The following HECW2 variants were observed in gnomAD, a reference collection of about 807,000 sequenced individuals.
The protein encoded by HECW2 is HECT, C2 and WW domain containing E3 ubiquitin protein ligase 2.
Under a neutral mutation model 175.2 loss-of-function variants are expected in HECW2, and 61 were observed. That is an observed-to-expected ratio of 0.35 (90% CI 0.28 to 0.43). The LOEUF is 0.43. Ranked by LOEUF, HECW2 falls within the 20% of genes least tolerant of loss-of-function variation. The pLI, the probability that HECW2 is intolerant of heterozygous loss-of-function variation, is 1.00. For missense variants in HECW2, 1,524 were observed against 2,000.5 expected (o/e 0.76, Z 4.54); for synonymous variants, 671 against 731.0 (o/e 0.92, Z 1.32).
At chr2:196,335,563 C>T (rs1347830458) in intron 3 of HECW2, among the ~76,000 whole-genome samples, 3 of 152,130 alleles carry the variant, frequency 2.0e-5, no homozygotes, top group East Asian at 3.8e-4. Flanking sequence ...CTGACTTTCT[C>T]GACTGTACCA....
chr2:196,212,230 G>A (rs1687316342), intron 28 of HECW2, among the ~76,000 whole-genome samples: 1 of 151,742 alleles, frequency 6.6e-6, no homozygotes, highest in African/African-American at 2.4e-5. Flanking sequence ...AGGGGTACTT[G>A]TGCAAGTTTG....
intron 1 of HECW2, among the ~76,000 whole-genome samples, chr2:196,566,699 A>ATTTTTTTTTTTTT (rs58391487): frequency 7.4e-5 from 7 of 94,204 alleles, no homozygotes; most frequent in African/African-American, 2.1e-4. Context: ...CACCCAGCTA[A>ATTTTTTTTTTTTT]TTTTTTTTTT....
intron 21 of HECW2, among the ~76,000 whole-genome samples, chr2:196,237,060 G>A (rs1218032781): frequency 6.6e-6 from 1 of 152,148 alleles, no homozygotes; most frequent in Non-Finnish European, 1.5e-5. Flanking sequence ...GTTTCTTTCA[G>A]TCTAATTGGG....
chr2:196,396,046 T>C (rs1694652903), intron 2 of HECW2, among the ~76,000 whole-genome samples: 2 of 152,178 alleles, frequency 1.3e-5, no homozygotes, highest in Admixed American at 1.3e-4. Context: ...TTAAAAATGA[T>C]GGAAATTCTG....
At chr2:196,372,014 A>G (rs1195320160) in intron 2 of HECW2, among the ~76,000 whole-genome samples, 1 of 152,222 alleles carries the variant, frequency 6.6e-6, no homozygotes, top group Non-Finnish European at 1.5e-5. Flanking sequence ...TTAATTTTCA[A>G]AGAGACCCTT....
intron 1 of HECW2, among the ~76,000 whole-genome samples, chr2:196,522,198 C>T (rs974663039): frequency 6.6e-6 from 1 of 152,066 alleles, no homozygotes; most frequent in Non-Finnish European, 1.5e-5. Context: ...GACGGTATCT[C>T]ATTGTGGTTT....
chr2:196,468,125 G>A (rs1697037519), intron 1 of HECW2, among the ~76,000 whole-genome samples: 2 of 152,156 alleles, frequency 1.3e-5, no homozygotes, highest in Non-Finnish European at 2.9e-5. Flanking sequence ...CTCCCGAGTA[G>A]CTGGTATTAC....
chr2:196,302,992 G>T (rs1691122495), intron 13 of HECW2, among the ~76,000 whole-genome samples: 1 of 152,184 alleles, frequency 6.6e-6, no homozygotes, highest in African/African-American at 2.4e-5. Context: ...GCCTTGTGCT[G>T]GATTTCAAGG....
chr2:196,451,112 A>C (rs958804756), intron 1 of HECW2, among the ~76,000 whole-genome samples: 4 of 152,142 alleles, frequency 2.6e-5, no homozygotes, highest in African/African-American at 7.2e-5. Context: ...AACAAGCTGA[A>C]AGTTGTCAAA....
chr2:196,215,806 A>G, intron 28 of HECW2, 59 bp downstream of exon 28: 1 of 1,217,922 alleles, frequency 8.2e-7, no homozygotes, highest in South Asian at 1.2e-5. Flanking sequence ...CAATATATAC[A>G]TAAATGAATG....
chr2:196,211,239 G>A (rs929967026), intron 28 of HECW2, among the ~76,000 whole-genome samples: 1 of 152,182 alleles, frequency 6.6e-6, no homozygotes, highest in African/African-American at 2.4e-5. Flanking sequence ...ACCATGGTGG[G>A]AGACAGGACT....
chr2:196,202,221 T>TA (rs1209955759), intron 28 of HECW2, among the ~76,000 whole-genome samples: 13 of 151,976 alleles, frequency 8.6e-5, no homozygotes, highest in Admixed American at 2.0e-4. Flanking sequence ...AACTTTGACT[T>TA]AAAAAAAATA....
chr2:196,244,341 A>G (rs936280359), intron 19 of HECW2, among the ~76,000 whole-genome samples: 1 of 152,228 alleles, frequency 6.6e-6, no homozygotes, highest in Non-Finnish European at 1.5e-5. Flanking sequence ...TGCTTGCCCC[A>G]TAATCTTTTT....
intron 2 of HECW2, among the ~76,000 whole-genome samples, chr2:196,388,056 C>T (rs1314352459): frequency 6.6e-6 from 1 of 151,978 alleles, no homozygotes; most frequent in African/African-American, 2.4e-5. Context: ...TTTGGGAGAC[C>T]AATGTGGGAG....
chr2:196,234,809 T>C (rs2105861149), intron 21 of HECW2, among the ~76,000 whole-genome samples: 1 of 152,290 alleles, frequency 6.6e-6, no homozygotes, highest in East Asian at 1.9e-4. Context: ...CTGCGTGCAA[T>C]TTCACGCCAC....
chr2:196,534,638 G>A (rs546689698), intron 1 of HECW2, among the ~76,000 whole-genome samples: 7 of 152,174 alleles, frequency 4.6e-5, no homozygotes, highest in Non-Finnish European at 1.5e-5. Flanking sequence ...CTGCTGTGAC[G>A]CAGGAGGGAG....
rs545713372 is a variant in HECW2 at position 196,522,637 on chromosome 2, T to A, written c.-36+70871A>T. Among the ~76,000 whole-genome samples, 105 of 152,112 alleles carry A rather than the reference T, an allele frequency of 6.9e-4. 3 individuals are homozygous for A. Among genetic ancestry groups the A allele is most frequent in the African/African-American group, 2.1e-3 (87 of 41,484 alleles). On this transcript the variant is annotated intron_variant, in intron 1 of 28. Coordinates refer to ENST00000644978, the MANE Select transcript of HECW2 (RefSeq NM_001348768.2). The stretch of plus-strand genomic sequence containing the variant: ...GTCTAACGTTTAAATCTTTAATCCA[T>A]CTTGAATTGATTTTTGTATAAGGTG...
chr2:196,543,908 A>G (rs1689314890), intron 1 of HECW2, among the ~76,000 whole-genome samples: 1 of 152,068 alleles, frequency 6.6e-6, no homozygotes, highest in Non-Finnish European at 1.5e-5. Flanking sequence ...CATTGCACCC[A>G]GCCAGGAACT....
chr2:196,452,243 T>G (rs1696370320), intron 1 of HECW2, among the ~76,000 whole-genome samples: 1 of 152,220 alleles, frequency 6.6e-6, no homozygotes, highest in African/African-American at 2.4e-5. Flanking sequence ...AATTAAAATA[T>G]CTCATCAATA....
Sources: allele counts gnomAD v4.1 joint callset (sites outside exome capture counted in the v4.1 genomes callset), GRCh38; gene constraint gnomAD v4.1.1; transcripts MANE v1.5; gene names NCBI Gene and HGNC (gene_info 2026-07-23, HGNC 2026-07-21).